CNTNAP2: variants seen among roughly 807,000 people sequenced by gnomAD.
CNTNAP2 encodes the protein contactin associated protein 2.
CNTNAP2 carries 98 observed loss-of-function variants against 155.2 expected under a neutral mutation model. The ratio of observed to expected loss-of-function variants is 0.63; its 90% CI spans 0.54 to 0.75. The LOEUF is 0.75. CNTNAP2 is among the 30% of genes least tolerant of loss of function. CNTNAP2 has a pLI of 0.00. For synonymous variants in CNTNAP2, 651 were observed against 631.2 expected (o/e 1.03, Z -0.47); for missense variants, 1,727 against 1,688.1 (o/e 1.02, Z -0.40).
intron 3 of CNTNAP2, 70 bp downstream of exon 3, chr7:146,839,974 C>T (rs1192673921): frequency 6.6e-7 from 1 of 1,511,460 alleles, no homozygotes; most frequent in Non-Finnish European, 9.1e-7. Flanking sequence ...ACAGGATTTA[C>T]TAAGCATATA....
At chr7:148,225,170 T>C (rs956069741) in intron 19 of CNTNAP2, among the ~76,000 whole-genome samples, 8 of 152,206 alleles carry the variant, frequency 5.3e-5, no homozygotes, top group Non-Finnish European at 8.8e-5. Flanking sequence ...TATCTTTGAA[T>C]AGGAGAAGAC....
At chr7:147,052,970 T>G (rs1799498250) in intron 4 of CNTNAP2, among the ~76,000 whole-genome samples, 1 of 152,082 alleles carries the variant, frequency 6.6e-6, no homozygotes, top group Non-Finnish European at 1.5e-5. Context: ...TTTGAGCACA[T>G]GTAGTATTCT....
intron 9 of CNTNAP2, among the ~76,000 whole-genome samples, chr7:147,358,256 A>C (rs1221319793): frequency 4.6e-5 from 7 of 152,068 alleles, no homozygotes; most frequent in Admixed American, 3.9e-4. Flanking sequence ...AAATAAGCAG[A>C]TTTTCTTAAA....
intron 20 of CNTNAP2, among the ~76,000 whole-genome samples, chr7:148,247,623 C>A (rs11292686): frequency 0.031 from 3,138 of 101,968 alleles, 56 homozygotes; most frequent in South Asian, 0.1. Flanking sequence ...CTCTCTCTCT[C>A]TCTATTTATT....
intron 3 of CNTNAP2, among the ~76,000 whole-genome samples, chr7:146,856,153 A>G (rs1486370187): frequency 2.6e-5 from 4 of 152,014 alleles, no homozygotes. Context: ...GAACACCAAA[A>G]TAGTTAAGGA....
chr7:146,970,894 C>A (rs531151013), intron 3 of CNTNAP2, among the ~76,000 whole-genome samples: 3,720 of 151,968 alleles, frequency 0.024, 153 homozygotes, highest in African/African-American at 0.081. Flanking sequence ...AAAAATGATG[C>A]GTTCATGTCC....
chr7:148,277,370 C>T (rs1310126982), intron 21 of CNTNAP2, among the ~76,000 whole-genome samples: 1 of 152,144 alleles, frequency 6.6e-6, no homozygotes, highest in African/African-American at 2.4e-5. Flanking sequence ...TTGCTGTGCC[C>T]TCAATCTCCC....
chr7:147,038,501 T>A (rs1467318422), intron 3 of CNTNAP2, among the ~76,000 whole-genome samples: 1 of 152,232 alleles, frequency 6.6e-6, no homozygotes. Context: ...AATGATGTCA[T>A]CGCAGATGTG....
intron 8 of CNTNAP2, chr7:147,161,717 C>T (rs918074559): frequency 3.3e-5 from 5 of 152,180 alleles, no homozygotes; most frequent in African/African-American, 1.2e-4. Flanking sequence ...GTTAATTTTG[C>T]TTCACTCAAA....
intron 4 of CNTNAP2, among the ~76,000 whole-genome samples, chr7:147,065,043 A>C (rs1799752206): frequency 6.6e-6 from 1 of 152,192 alleles, no homozygotes; most frequent in Admixed American, 6.5e-5. Context: ...TGCTTCTGAT[A>C]GAAAATAGTT....
intron 21 of CNTNAP2, among the ~76,000 whole-genome samples, chr7:148,334,801 C>T (rs977560016): frequency 1.3e-5 from 2 of 152,202 alleles, no homozygotes; most frequent in Non-Finnish European, 2.9e-5. Context: ...CCTGGGGGAA[C>T]TCCAGCAATC....
chr7:147,414,954 A>AAG (rs1459857954), intron 10 of CNTNAP2, among the ~76,000 whole-genome samples: 1 of 150,570 alleles, frequency 6.6e-6, no homozygotes. Context: ...AAAAAAAAAA[A>AAG]AAAAAAAAAG....
intron 1 of CNTNAP2, among the ~76,000 whole-genome samples, chr7:146,429,169 C>T (rs1683138582): frequency 1.3e-5 from 2 of 152,000 alleles, no homozygotes; most frequent in African/African-American, 4.8e-5. Flanking sequence ...ATTGTGATGC[C>T]TCCATCATTG....
At chr7:147,470,626 T>A (rs1330430232) in intron 10 of CNTNAP2, among the ~76,000 whole-genome samples, 1 of 152,014 alleles carries the variant, frequency 6.6e-6, no homozygotes, top group African/African-American at 2.4e-5. Context: ...TAGGTAAGAT[T>A]AGATGAAGGA....
chr7:148,366,639 T>C (rs1430742564), intron 21 of CNTNAP2, among the ~76,000 whole-genome samples: 1 of 152,184 alleles, frequency 6.6e-6, no homozygotes, highest in Non-Finnish European at 1.5e-5. Flanking sequence ...TTGAAGACAA[T>C]AACTATTTTA....
At chr7:147,037,437 G>A (rs556558200) in intron 3 of CNTNAP2, among the ~76,000 whole-genome samples, 41 of 141,916 alleles carry the variant, frequency 2.9e-4, no homozygotes, top group African/African-American at 1.0e-3. Context: ...TCGACATCCA[G>A]TTTTGTTTTT....
chr7:147,052,620 T>A (rs1419303087), intron 4 of CNTNAP2, among the ~76,000 whole-genome samples: 1 of 152,100 alleles, frequency 6.6e-6, no homozygotes, highest in Non-Finnish European at 1.5e-5. Context: ...AATATTTGTA[T>A]AACTTGTATT....
At position 146,181,152 on chromosome 7, in the gene CNTNAP2, T is replaced by C. The variant is rs141570860; in HGVS notation, c.97+64179T>C. Among the ~76,000 whole-genome samples the C allele has an allele frequency of 6.5e-3, 986 of 152,248 alleles. 18 individuals carry two copies. Among genetic ancestry groups the C allele is most frequent in the Admixed American group, 0.032 (494 of 15,278 alleles). ...CCATCATCAAGTTACTTTAAGCACT[T>C]TGGGGGAACAACATGATGACTATAC... is the stretch of plus-strand genomic sequence containing the variant. On this transcript the variant is annotated intron_variant, in intron 1 of 23. Coordinates refer to ENST00000361727, the MANE Select transcript of CNTNAP2 (RefSeq NM_014141.6).
intron 15 of CNTNAP2, among the ~76,000 whole-genome samples, chr7:148,049,578 C>G (rs992781402): frequency 2.0e-5 from 3 of 152,138 alleles, no homozygotes; most frequent in Non-Finnish European, 2.9e-5. Context: ...GTGGACCGCA[C>G]AGATAACAGC....
Sources: allele counts gnomAD v4.1 joint callset (sites outside exome capture counted in the v4.1 genomes callset), GRCh38; gene constraint gnomAD v4.1.1; transcripts MANE v1.5; gene names NCBI Gene and HGNC (gene_info 2026-07-23, HGNC 2026-07-21).